ZNF236: variants seen among roughly 807,000 people sequenced by gnomAD.
The protein encoded by ZNF236 is regulated by glucose.
ZNF236 carries 50 observed loss-of-function variants against 191.2 expected under a neutral mutation model. That is an observed-to-expected ratio of 0.26 (90% CI 0.21 to 0.33). The LOEUF (loss-of-function observed/expected upper bound fraction) is 0.33, where lower values mean the gene tolerates loss of function less well. Among genes scored for constraint, ZNF236 ranks in the 10% least tolerant of loss-of-function variants. The probability of loss-of-function intolerance (pLI) is 1.00; values close to 1 mark genes in which losing one functional copy is unlikely to be tolerated. For synonymous variants in ZNF236, 907 were observed against 928.8 expected (o/e 0.98, Z 0.43); for missense variants, 1,754 against 2,374.5 (o/e 0.74, Z 5.43).
intron 9 of ZNF236, among the ~76,000 whole-genome samples, chr18:76,893,724 G>A (rs1977316064): frequency 6.6e-6 from 1 of 152,198 alleles, no homozygotes. Flanking sequence ...TGTTGCCCAG[G>A]CTGATCTCAA....
intron 3 of ZNF236, among the ~76,000 whole-genome samples, chr18:76,862,787 G>C (rs1376705394): frequency 2.0e-5 from 3 of 152,164 alleles, no homozygotes; most frequent in Non-Finnish European, 4.4e-5. Flanking sequence ...GAACAGGGCA[G>C]CTGCTGCTCA....
Position 76,956,120 on chromosome 18 carries a change from C to A in ZNF236, c.5050C>A (p.Arg1684=), listed in dbSNP as rs757861308. ...LMHHSKEVHG[R]ERIHGCPVCR... is the part of the protein sequence containing the mutation. ...GCACCACAGCAAGGAGGTGCATGGC[C>A]GGGAGCGCATCCACGGCTGCCCCGT... The change falls in exon 28 of 31, where the codon CGG becomes AGG. Residue 1684 remains arginine (R), a synonymous_variant. Transcript: ENST00000320610. 1 of 1,576,762 alleles carries A rather than the reference C, an allele frequency of 6.3e-7. No individual in the cohort carries two copies. Among genetic ancestry groups the A allele is most frequent in the Admixed American group, 1.8e-5 (1 of 54,590 alleles).
At position 76,947,598 on chromosome 18, in the gene ZNF236, A is replaced by C; in HGVS notation, c.4860A>C (p.Leu1620=). 1 of 1,614,048 alleles carries C rather than the reference A, an allele frequency of 6.2e-7. No individual in the cohort carries two copies. The highest frequency in any genetic ancestry group is 8.5e-7 in the Non-Finnish European group (1 of 1,179,980). Residue 1620 remains leucine, a synonymous_variant, in exon 27 of 31, where the codon CTA becomes CTC. Transcript: ENST00000320610. The part of the protein sequence containing the change: ...QGGAGSPQVI[L]VSHTPQSASA... ...GAGCAGGCTCGCCGCAAGTCATACT[A>C]GTGAGCCACACGCCACAGTCAGCGT...
In ZNF236 at chr18:76,895,278, G is replaced by C; in HGVS notation, c.1683G>C (p.Leu561=). The C allele has an allele frequency of 6.3e-7, 1 of 1,599,312 alleles. No individual in the cohort carries two copies. The highest frequency in any genetic ancestry group is 8.5e-7 in the Non-Finnish European group (1 of 1,179,754). ...TSGSLKVHIR[L]HTGVRPFACP... is the part of the protein sequence containing the mutation. ...GCAGCCTCAAGGTGCACATTCGCCT[G>C]CACACAGGTATGGCCTCAGGGCTGG... The change falls in exon 10 of 31, where the codon CTG becomes CTC. Residue 561 remains leucine (L), a synonymous_variant. Coordinates refer to ENST00000320610, the MANE Select transcript of ZNF236 (RefSeq NM_001306089.2).
chr18:76,937,704 C>G (rs1279955931), intron 26 of ZNF236, among the ~76,000 whole-genome samples: 2 of 152,036 alleles, frequency 1.3e-5, no homozygotes, highest in African/African-American at 4.8e-5. Context: ...TGTAGATGAG[C>G]TTTATTGAAG....
In ZNF236 at chr18:76,881,318, C is replaced by T; in HGVS notation, c.1223C>T (p.Pro408Leu). Residue 408 changes from proline (P) to leucine (L), a missense_variant, in exon 9 of 31, where the codon CCA (proline) becomes CTA (leucine). Around this residue, in one of 5 missense-constraint regions of ZNF236, gnomAD observed 336 missense variants for 495.1 expected, o/e 0.68. Transcript: ENST00000320610. ...GAAAACAGTGGGCTGTCTTCAATTC[C>T]AGCTGCAGCACATCCTAATGACTCC... ...ALENSGLSSI[P>L]AAAHPNDSCH... is the part of the protein sequence containing the mutation. 6.2e-7 allele frequency: 1 copy of T among 1,614,006 alleles called. No individual in the cohort carries two copies. Among genetic ancestry groups the T allele is most frequent in the Non-Finnish European group, 8.5e-7 (1 of 1,180,014 alleles).
Position 76,937,401 on chromosome 18 carries a change from A to G in ZNF236, c.4782+58A>G, listed in dbSNP as rs539893691. 1.7e-5 allele frequency: 24 copies of G among 1,418,756 alleles called. No homozygotes were observed. The East Asian group carries it at 5.2e-4, about 31-fold the overall frequency. 87.9% of individuals were successfully genotyped at this position (1,418,756 alleles called of 1,614,324 possible). The stretch of plus-strand genomic sequence containing the variant: ...CTTTCAAAAAGTGATCTTTGAAAAC[A>G]TTATTCATTGACTCCTTCCTAAATA... On this transcript the variant is annotated intron_variant, in intron 26 of 30. Transcript: ENST00000320610.
intron 30 of ZNF236, among the ~76,000 whole-genome samples, chr18:76,966,149 A>G (rs540979359): frequency 6.6e-6 from 1 of 152,210 alleles, no homozygotes; most frequent in East Asian, 1.9e-4. Flanking sequence ...TTCCTGATTT[A>G]TTCCCCTAGT....
intron 25 of ZNF236, among the ~76,000 whole-genome samples, chr18:76,934,794 T>C (rs72985234): frequency 0.031 from 4,762 of 152,332 alleles, 113 homozygotes; most frequent in Middle Eastern, 0.11. Context: ...CCTCCTGTCT[T>C]CCCACATTTC....
At chr18:76,926,268 T>C (rs1156512437) in intron 22 of ZNF236, among the ~76,000 whole-genome samples, 1 of 151,928 alleles carries the variant, frequency 6.6e-6, no homozygotes, top group African/African-American at 2.4e-5. Flanking sequence ...AGACTGTATG[T>C]GGATATAGTA....
At position 76,927,243 on chromosome 18, in the gene ZNF236, A is replaced by C. The variant is rs780508037; in HGVS notation, c.4174-34A>C. On this transcript the variant is annotated intron_variant, in intron 23 of 30. Coordinates refer to ENST00000320610, the MANE Select transcript of ZNF236 (RefSeq NM_001306089.2). This position sits in a 1 kb window ranked among gnomAD's most constrained non-coding sequence, Gnocchi z 5.4. ...CTCTTGGCATCACAGAGAAGCATGAAGTTTTCATTACAAGTACCTGTGCTG... is the reference window on the plus strand; with the variant it reads ...CTCTTGGCATCACAGAGAAGCATGACGTTTTCATTACAAGTACCTGTGCTG... 1 of 1,612,290 alleles carries C rather than the reference A, an allele frequency of 6.2e-7. No homozygotes were observed. The highest frequency in any genetic ancestry group is 1.1e-5 in the South Asian group (1 of 91,038).
At chr18:76,901,669 A>G (rs1182623093) in intron 11 of ZNF236, among the ~76,000 whole-genome samples, 1 of 152,124 alleles carries the variant, frequency 6.6e-6, no homozygotes, top group East Asian at 1.9e-4. Context: ...GAGGCAGGAG[A>G]ATGGCTTGAA....
intron 27 of ZNF236, among the ~76,000 whole-genome samples, chr18:76,953,324 C>G (rs1037200331): frequency 6.6e-6 from 1 of 152,160 alleles, no homozygotes; most frequent in African/African-American, 2.4e-5. Context: ...GGGCCATGGC[C>G]TTCTTTTGAA....
chr18:76,852,039 T>A, intron 3 of ZNF236, 100 bp downstream of exon 3: 1 of 1,249,606 alleles, frequency 8.0e-7, no homozygotes, highest in Non-Finnish European at 1.1e-6. Flanking sequence ...TTTGAAAGCC[T>A]TTTGTGTAGA....
intron 28 of ZNF236, among the ~76,000 whole-genome samples, chr18:76,956,650 C>T (rs889057910): frequency 3.3e-5 from 5 of 152,240 alleles, no homozygotes; most frequent in Non-Finnish European, 7.3e-5. Context: ...TAGCTGCCCA[C>T]GCTTTCCACT....
chr18:76,925,164 T>C lies in ZNF236; in HGVS notation c.3662-25T>C, dbSNP rs544812190. ...GTGTCGCGACTGCCATCGCCTCTGT[T>C]GATTCTTGGCTGGGCTTTTCACAGG... is the stretch of plus-strand genomic sequence containing the variant. On this transcript the variant is annotated intron_variant, in intron 21 of 30. Transcript: ENST00000320610. This position sits in a 1 kb window ranked among gnomAD's most constrained non-coding sequence, Gnocchi z 5.7. 6.2e-7 allele frequency: 1 copy of C among 1,603,102 alleles called. No individual in the cohort carries two copies. Among genetic ancestry groups the C allele is most frequent in the South Asian group, 1.1e-5 (1 of 90,604 alleles).
At chr18:76,894,850 C>T (rs748987919) in intron 9 of ZNF236, among the ~76,000 whole-genome samples, 163 bp from the exon 10 acceptor site, 1 of 152,178 alleles carries the variant, frequency 6.6e-6, no homozygotes, top group Non-Finnish European at 1.5e-5. Context: ...GGGGTTTCAG[C>T]GAGATTAACT....
Position 76,915,873 on chromosome 18 carries a change from G to A in ZNF236, c.3274+14G>A, listed in dbSNP as rs763655589. On this transcript the variant is annotated intron_variant, in intron 19 of 30. Transcript: ENST00000320610. ...CAGAAGGAGGAGGTATTTTCCATTTGTTGATTCAAGGTGTATTAACCCGAT... is the reference window on the plus strand; with the variant it reads ...CAGAAGGAGGAGGTATTTTCCATTTATTGATTCAAGGTGTATTAACCCGAT... 1 of 1,609,960 alleles carries A rather than the reference G, an allele frequency of 6.2e-7. No individual in the cohort carries two copies. Among genetic ancestry groups the A allele is most frequent in the Middle Eastern group, 1.7e-4 (1 of 6,044 alleles).
rs1262949335 is a variant in ZNF236 at position 76,880,541 on chromosome 18, T to C, written c.1188+225T>C. ...CATTAAAAAAAAAATCACAAACTTT[T>C]ATTTTTTTTCCATAAGTGAACTTTA... On this transcript the variant is annotated intron_variant, in intron 8 of 30. Transcript: ENST00000320610. The surrounding 1 kb of genome is among the most constrained non-coding windows in gnomAD (Gnocchi z 5.0). 6.6e-6 allele frequency among the ~76,000 whole-genome samples: 1 copy of C among 152,228 alleles called. No homozygotes were observed. Among genetic ancestry groups the C allele is most frequent in the East Asian group, 1.9e-4 (1 of 5,206 alleles).
Sources: allele counts gnomAD v4.1 joint callset (sites outside exome capture counted in the v4.1 genomes callset), GRCh38; gene constraint gnomAD v4.1.1; regional missense constraint gnomAD v4.1.1; non-coding constraint Gnocchi (gnomAD v3.1); transcripts MANE v1.5; gene names NCBI Gene and HGNC (gene_info 2026-07-23, HGNC 2026-07-21).